GATM: variants seen among roughly 807,000 people sequenced by gnomAD.
GATM encodes the protein glycine amidinotransferase, also known as glycine amidinotransferase, mitochondrial.
Under a neutral mutation model 54.2 loss-of-function variants are expected in GATM, and 23 were observed. The observed-to-expected ratio is 0.42, with a 90% CI of 0.31 to 0.60. The LOEUF is 0.60. Ranked by LOEUF, GATM falls within the 20% of genes least tolerant of loss-of-function variation. The probability of loss-of-function intolerance (pLI) is 0.14; values close to 1 mark genes in which losing one functional copy is unlikely to be tolerated. For missense variants in GATM, 401 were observed against 544.9 expected (o/e 0.74, Z 2.63); for synonymous variants, 168 against 183.1 (o/e 0.92, Z 0.67).
At chr15:45,397,404 T>C (rs1889947215) in intron 2 of GATM, 1 of 151,848 alleles carries the variant, frequency 6.6e-6, no homozygotes, top group Admixed American at 6.6e-5. Context: ...AGGCTGGAAA[T>C]TGAGTTAATA....
At chr15:45,377,793 ACT>A (rs765725054) in intron 1 of GATM, 10 of 154,966 alleles carry the variant, frequency 6.5e-5, no homozygotes, top group Non-Finnish European at 1.1e-4. Context: ...GAGCGCAGAA[ACT>A]CTGCTTACAG....
intron 2 of GATM, among the ~76,000 whole-genome samples, chr15:45,398,546 A>C (rs968619889): frequency 1.3e-5 from 2 of 152,218 alleles, no homozygotes; most frequent in African/African-American, 4.8e-5. Context: ...TCTAAAGAAC[A>C]ATTTTAACAA....
intron 2 of GATM, among the ~76,000 whole-genome samples, chr15:45,370,017 A>G (rs1409747535): frequency 6.6e-6 from 1 of 152,112 alleles, no homozygotes; most frequent in Non-Finnish European, 1.5e-5. Flanking sequence ...TGTGAAGGGA[A>G]AAAAAAAGAT....
chr15:45,375,137 C>G (rs1308146589), intron 2 of GATM, among the ~76,000 whole-genome samples: 1 of 152,170 alleles, frequency 6.6e-6, no homozygotes, highest in Non-Finnish European at 1.5e-5. Flanking sequence ...ATGGCGCCAT[C>G]TCAGCTCACG....
chr15:45,371,026 G>GC (rs1380279251), intron 2 of GATM, among the ~76,000 whole-genome samples: 3 of 152,146 alleles, frequency 2.0e-5, no homozygotes, highest in African/African-American at 7.2e-5. Flanking sequence ...ACCCGCGTCG[G>GC]CCCCCCAAAG....
intron 7 of GATM, chr15:45,364,583 C>T (rs1413413223): frequency 3.8e-6 from 2 of 531,202 alleles, no homozygotes; most frequent in Non-Finnish European, 6.8e-6. Flanking sequence ...TTGTTTTATT[C>T]TGTCTTCTCC....
intron 3 of GATM, among the ~76,000 whole-genome samples, chr15:45,394,401 T>A (rs1189856632): frequency 1.3e-5 from 2 of 152,154 alleles, no homozygotes; most frequent in African/African-American, 4.8e-5. Flanking sequence ...CCAAAAAGGT[T>A]GGGGACTGCT....
chr15:45,389,767 G>C (rs1438444592), intron 3 of GATM, among the ~76,000 whole-genome samples: 1 of 152,192 alleles, frequency 6.6e-6, no homozygotes, highest in African/African-American at 2.4e-5. Flanking sequence ...AAGGCATCCA[G>C]GGATGCACAT....
Position 45,364,791 on chromosome 15 carries a change from A to G in GATM, c.1042+6T>C. ...TTAGTCTAACAGTGTATGAAAGTAAACATACCGTCTGGGATGATTGGTGTT... is the reference window on the plus strand; with the variant it reads ...TTAGTCTAACAGTGTATGAAAGTAAGCATACCGTCTGGGATGATTGGTGTT... On this transcript the variant is annotated splice_donor_region_variant and intron_variant, in intron 7 of 8. Coordinates refer to ENST00000396659, the MANE Select transcript of GATM (RefSeq NM_001482.3). 6.2e-7 allele frequency: 1 copy of G among 1,610,750 alleles called. No individual in the cohort carries two copies. The highest frequency in any genetic ancestry group is 8.5e-7 in the Non-Finnish European group (1 of 1,176,974).
chr15:45,385,941 T>C (rs1889799027), intron 3 of GATM, among the ~76,000 whole-genome samples: 1 of 152,240 alleles, frequency 6.6e-6, no homozygotes, highest in South Asian at 2.1e-4. Context: ...TCAAATTTAT[T>C]GTTCCTTGTC....
At chr15:45,363,423 G>C (rs747657968) in intron 8 of GATM, among the ~76,000 whole-genome samples, 14 of 152,126 alleles carry the variant, frequency 9.2e-5, no homozygotes, top group Admixed American at 9.2e-4. Context: ...GTTCAAAACT[G>C]AATGATTTAC....
chr15:45,363,980 A>G lies in GATM; in HGVS notation c.1079T>C (p.Met360Thr). 6.2e-7 allele frequency: 1 copy of G among 1,612,950 alleles called. No individual in the cohort carries two copies. Among genetic ancestry groups the G allele is most frequent in the Non-Finnish European group, 8.5e-7 (1 of 1,179,212 alleles). Residue 360 changes from methionine to threonine, a missense_variant, in exon 8 of 9, where the codon ATG becomes ACG. Around this residue, in one of 3 missense-constraint regions of GATM, gnomAD observed 321 missense variants for 457.5 expected, o/e 0.70. Transcript: ENST00000396659. ...PLWMSSKWLS[M>T]NVLMLDEKRV... ...TTTTTCATCTAGCATTAAGACATTCATGGAAAGCCATTTGGATGACATCCA... is the reference window on the plus strand; with the variant it reads ...TTTTTCATCTAGCATTAAGACATTCGTGGAAAGCCATTTGGATGACATCCA...
chr15:45,395,105 G>C (rs183761408), intron 3 of GATM, among the ~76,000 whole-genome samples: 3 of 152,196 alleles, frequency 2.0e-5, no homozygotes, highest in Non-Finnish European at 4.4e-5. Flanking sequence ...TGGATGGGGT[G>C]TAGCAAAGCA....
intron 6 of GATM, 75 bp downstream of exon 6, chr15:45,365,971 T>C: frequency 7.4e-7 from 1 of 1,357,754 alleles, no homozygotes; most frequent in Non-Finnish European, 1.1e-6. Context: ...ACCATGGAAG[T>C]GCTTAAAATA....
At chr15:45,391,631 C>T (rs1889875046) in intron 3 of GATM, among the ~76,000 whole-genome samples, 1 of 152,214 alleles carries the variant, frequency 6.6e-6, no homozygotes, top group South Asian at 2.1e-4. Flanking sequence ...TAACACTGTG[C>T]AGAATTATTG....
At chr15:45,373,818 C>G (rs1310079283) in intron 2 of GATM, among the ~76,000 whole-genome samples, 1 of 152,178 alleles carries the variant, frequency 6.6e-6, no homozygotes, top group African/African-American at 2.4e-5. Context: ...TCCCTCAAAA[C>G]CAGGCTTAGC....
intron 6 of GATM, among the ~76,000 whole-genome samples, chr15:45,365,176 T>C (rs9972405): frequency 0.099 from 15,067 of 152,250 alleles, 837 homozygotes; most frequent in Middle Eastern, 0.25. Flanking sequence ...ATTTTAAAAA[T>C]TGAAAAATTT....
At chr15:45,363,140 T>C (rs1379205473) in intron 8 of GATM, among the ~76,000 whole-genome samples, 3 of 152,146 alleles carry the variant, frequency 2.0e-5, no homozygotes, top group South Asian at 4.1e-4. Flanking sequence ...GGCATGGTGG[T>C]GTATGCTTGT....
rs374059924 is a variant in GATM, at chr15:45,368,123, C to T, written c.622G>A (p.Ala208Thr). ...GGCTTAGGAGCTGTTGTCCACTTGG[C>T]GCCACGGTGGAAGTAGTCTTTGATA... Reference protein sequence around the residue: ...SIIKDYFHRGAKWTTAPKPTM... With the variant: ...SIIKDYFHRGTKWTTAPKPTM... Residue 208 changes from alanine (A) to threonine (T), a missense_variant, in exon 4 of 9, where the codon GCC becomes ACC. Ala to Thr is a moderately conservative substitution (Grantham distance 58, BLOSUM62 0). This residue lies in a region of GATM where 321 missense variants were observed against 457.5 expected (regional missense o/e 0.70). Transcript: ENST00000396659. This position sits in a 1 kb window ranked among gnomAD's most constrained non-coding sequence, Gnocchi z 5.1. The T allele has an allele frequency of 3.7e-6, 6 of 1,614,040 alleles. No homozygotes were observed. Among genetic ancestry groups the T allele is most frequent in the East Asian group, 2.2e-5 (1 of 44,874 alleles).
Sources: allele counts gnomAD v4.1 joint callset (sites outside exome capture counted in the v4.1 genomes callset), GRCh38; gene constraint gnomAD v4.1.1; regional missense constraint gnomAD v4.1.1; non-coding constraint Gnocchi (gnomAD v3.1); transcripts MANE v1.5; gene names NCBI Gene and HGNC (gene_info 2026-07-23, HGNC 2026-07-21).